The following RUSC2 variants were observed in gnomAD, a reference collection of about 807,000 sequenced individuals.
The protein encoded by RUSC2 is AP-4 complex accessory subunit RUSC2.
RUSC2 carries 34 observed loss-of-function variants against 122.2 expected under a neutral mutation model. The observed-to-expected ratio is 0.28, with a 90% CI of 0.21 to 0.37. The LOEUF is 0.37. Among genes scored for constraint, RUSC2 ranks in the 10% least tolerant of loss-of-function variants. The pLI is 1.00. For synonymous variants in RUSC2, 784 were observed against 790.0 expected (o/e 0.99, Z 0.13); for missense variants, 1,747 against 1,952.4 (o/e 0.89, Z 1.98).
chr9:35,534,038 T>C (rs1320710112), intron 1 of RUSC2, among the ~76,000 whole-genome samples: 1 of 152,182 alleles, frequency 6.6e-6, no homozygotes, highest in Non-Finnish European at 1.5e-5. Flanking sequence ...GCCAGAACTC[T>C]TTTCCAAAGT....
chr9:35,493,426 A>T (rs922154563), intron 1 of RUSC2, among the ~76,000 whole-genome samples: 1 of 152,134 alleles, frequency 6.6e-6, no homozygotes, highest in Admixed American at 6.5e-5. Flanking sequence ...GCTATTGTAA[A>T]TAGTGCTGCA....
At chr9:35,522,666 C>T (rs1587847131) in intron 1 of RUSC2, among the ~76,000 whole-genome samples, 1 of 152,132 alleles carries the variant, frequency 6.6e-6, no homozygotes, top group African/African-American at 2.4e-5. Context: ...TTAATTGGCT[C>T]ACAAGATGAT....
chr9:35,555,414 G>A lies in RUSC2; in HGVS notation c.2369G>A (p.Gly790Glu), dbSNP rs1821992249. The A allele has an allele frequency of 1.2e-6, 2 of 1,614,186 alleles. No homozygotes were observed. Among genetic ancestry groups the A allele is most frequent in the Non-Finnish European group, 1.7e-6 (2 of 1,180,032 alleles). ...CCCATCCGGAGTGTTGGCCCCTTTG[G>A]GCCCAGCACTGACTCTTCTGCCTCC... ...YSPIRSVGPF[G>E]PSTDSSASTS... The change falls in exon 3 of 12, where the codon GGG (glycine) becomes GAG (glutamate). Residue 790 changes from glycine (G) to glutamate (E), a missense_variant. Transcript: ENST00000361226. This position sits in a 1 kb window ranked among gnomAD's most constrained non-coding sequence, Gnocchi z 4.6.
chr9:35,528,490 CTCTTT>C (rs1398400990), intron 1 of RUSC2, among the ~76,000 whole-genome samples: 3 of 149,882 alleles, frequency 2.0e-5, no homozygotes, highest in Admixed American at 6.7e-5. Context: ...AAGCAGAATT[CTCTTT>C]ATGCGATTTG....
chr9:35,543,167 TGTAATCCTAGCACTTTGGAAGGCCA>T (rs1821675297), intron 1 of RUSC2, among the ~76,000 whole-genome samples: 2 of 152,234 alleles, frequency 1.3e-5, no homozygotes, highest in African/African-American at 4.8e-5. Flanking sequence ...GGCTCACATC[TGTAATCCTAGCACTTTGGAAGGCCA>T]AGGCAGGTGG....
chr9:35,558,071 G>A lies in RUSC2; in HGVS notation c.3060+81G>A. 1 of 1,581,876 alleles carries A rather than the reference G, an allele frequency of 6.3e-7. No homozygotes were observed. Among genetic ancestry groups the A allele is most frequent in the Non-Finnish European group, 8.7e-7 (1 of 1,152,148 alleles). On this transcript the variant is annotated intron_variant, in intron 6 of 11. Coordinates refer to ENST00000361226, the MANE Select transcript of RUSC2 (RefSeq NM_014806.5). This position sits in a 1 kb window ranked among gnomAD's most constrained non-coding sequence, Gnocchi z 4.3. ...CGCTACCACCTTCCCTTGCTGTCTT[G>A]CATTTAGAGCCCAGGGTTGGGTACT...
intron 2 of RUSC2, chr9:35,549,346 G>A: frequency 4.6e-6 from 2 of 432,302 alleles, no homozygotes; most frequent in Non-Finnish European, 6.2e-6. Flanking sequence ...CCAGGCTGGA[G>A]TGCAGTGGCC....
At chr9:35,500,965 A>G (rs569546780) in intron 1 of RUSC2, among the ~76,000 whole-genome samples, 1 of 152,328 alleles carries the variant, frequency 6.6e-6, no homozygotes, top group African/African-American at 2.4e-5. Context: ...AGTCCTTTCT[A>G]ACAACCAAGT....
At chr9:35,534,555 C>T (rs4397497) in intron 1 of RUSC2, among the ~76,000 whole-genome samples, 109,122 of 152,098 alleles carry the variant, frequency 0.72, 41,956 homozygotes, top group Non-Finnish European at 0.87. Flanking sequence ...GATCTCAGCT[C>T]ACTGCAACCT....
At chr9:35,534,805 G>T (rs1263469318) in intron 1 of RUSC2, among the ~76,000 whole-genome samples, 1 of 151,954 alleles carries the variant, frequency 6.6e-6, no homozygotes, top group Non-Finnish European at 1.5e-5. Flanking sequence ...TTAAAAATTG[G>T]ATTGTCTTTT....
Position 35,531,211 on chromosome 9 carries a change from A to G in RUSC2, c.-92-15219A>G, listed in dbSNP as rs1821412848. Among the ~76,000 whole-genome samples, 4 of 152,112 alleles carry G rather than the reference A, an allele frequency of 2.6e-5. No homozygotes were observed. The South Asian group carries it at 8.3e-4, about 32-fold the overall frequency. On this transcript the variant is annotated intron_variant, in intron 1 of 11. Coordinates refer to ENST00000361226, the MANE Select transcript of RUSC2 (RefSeq NM_014806.5). ...GGGAAGCGGAGCTTGCAGTGAGCTG[A>G]GATCGCACCACTGCAGTCCAGCCTG...
intron 1 of RUSC2, among the ~76,000 whole-genome samples, chr9:35,544,307 CTTTT>C (rs55870659): frequency 1.8e-5 from 2 of 113,114 alleles, no homozygotes; most frequent in Non-Finnish European, 3.4e-5. Flanking sequence ...GATCATATGT[CTTTT>C]TTTTTTTTTT....
intron 1 of RUSC2, among the ~76,000 whole-genome samples, chr9:35,490,636 G>C (rs1820548050): frequency 1.3e-5 from 2 of 152,122 alleles, no homozygotes; most frequent in Non-Finnish European, 2.9e-5. Flanking sequence ...GCCAGTTCCC[G>C]GCCGGGTCCT....
chr9:35,527,298 CTGCT>C (rs371414353), intron 1 of RUSC2, among the ~76,000 whole-genome samples: 20 of 151,964 alleles, frequency 1.3e-4, no homozygotes, highest in African/African-American at 4.6e-4. Flanking sequence ...CCACCACATT[CTGCT>C]TGCTTGCTTG....
chr9:35,560,622 T>A lies in RUSC2; in HGVS notation c.3982T>A (p.Cys1328Ser). The change falls in exon 10 of 12, where the codon TGC (cysteine) becomes AGC (serine). Residue 1328 changes from cysteine (C) to serine (S), a missense_variant. Coordinates refer to ENST00000361226, the MANE Select transcript of RUSC2 (RefSeq NM_014806.5). ...REGVVEGAEA[C>S]PASEEALGRE... ...GGGAGTAGTGGAGGGGGCTGAGGCCTGCCCTGCCTCTGAGGAGGCCCTGGG... is the reference window on the plus strand; with the variant it reads ...GGGAGTAGTGGAGGGGGCTGAGGCCAGCCCTGCCTCTGAGGAGGCCCTGGG... 6.2e-7 allele frequency: 1 copy of A among 1,607,732 alleles called. No homozygotes were observed. The highest frequency in any genetic ancestry group is 8.5e-7 in the Non-Finnish European group (1 of 1,177,240).
intron 2 of RUSC2, chr9:35,549,282 G>A (rs1422754237): frequency 3.2e-6 from 3 of 924,934 alleles, no homozygotes; most frequent in Non-Finnish European, 2.6e-6. Flanking sequence ...CACACACTGG[G>A]CGTCAGTGAA....
chr9:35,559,915 G>C, intron 9 of RUSC2, 114 bp from the exon 10 acceptor site: 1 of 861,828 alleles, frequency 1.2e-6, no homozygotes, highest in Non-Finnish European at 1.8e-6. Flanking sequence ...AAGTTGACTA[G>C]TGCACAGCCT....
chr9:35,558,610 G>GC lies in RUSC2; in HGVS notation c.3341+49dup. The GC allele has an allele frequency of 2.0e-6, 3 of 1,495,004 alleles. No homozygotes were observed. The highest frequency in any genetic ancestry group is 1.7e-5 in the Admixed American group (1 of 59,846). 92.6% of individuals were successfully genotyped at this position (1,495,004 alleles called of 1,614,324 possible). Reference sequence around the variant, plus strand: ...CAAGATCCCCTAAACAACTTGCCCTGCCCCCCACCCCCGGGCTCTGCCTGC... The same window carrying GC: ...CAAGATCCCCTAAACAACTTGCCCTGCCCCCCCACCCCCGGGCTCTGCCTGC... On this transcript the variant is annotated intron_variant, in intron 8 of 11. Transcript: ENST00000361226. The surrounding 1 kb of genome is among the most constrained non-coding windows in gnomAD (Gnocchi z 4.3).
rs1822037180 is a variant in RUSC2, at chr9:35,557,076, G to A, written c.2983+628G>A. ...AGGGGGCGGGTGAAGGTACTAGAGG[G>A]CCCAGCAGCTTGGGTAAGAGTGTTG... On this transcript the variant is annotated intron_variant, in intron 5 of 11. Transcript: ENST00000361226. This position sits in a 1 kb window ranked among gnomAD's most constrained non-coding sequence, Gnocchi z 4.6. Among the ~76,000 whole-genome samples, 2 of 152,102 alleles carry A rather than the reference G, an allele frequency of 1.3e-5. No homozygotes were observed. The highest frequency in any genetic ancestry group is 1.3e-4 in the Admixed American group (2 of 15,276).
Sources: gnomAD v4.1 joint callset for allele counts (sites outside exome capture counted in the v4.1 genomes callset) on GRCh38, gnomAD v4.1.1 for gene constraint, Gnocchi (gnomAD v3.1) non-coding constraint, MANE v1.5 for transcripts, NCBI Gene and HGNC (gene_info 2026-07-23, HGNC 2026-07-21) for gene names.